Variants in DNAH7 observed in about 807,000 individuals in gnomAD.
DNAH7 encodes the protein axonemal beta dynein heavy chain 7.
DNAH7 carries 397 observed loss-of-function variants against 444.6 expected under a neutral mutation model. The observed-to-expected ratio is 0.89, with a 90% CI of 0.82 to 0.97. The LOEUF (loss-of-function observed/expected upper bound fraction) is 0.97, where lower values mean the gene tolerates loss of function less well. Among genes scored for constraint, DNAH7 ranks in the 50% least tolerant of loss-of-function variants. DNAH7 has a pLI of 0.00. For synonymous variants in DNAH7, 1,636 were observed against 1,624.4 expected (o/e 1.01, Z -0.17); for missense variants, 4,902 against 4,800.8 (o/e 1.02, Z -0.62).
chr2:195,954,536 T>TA (rs1690502445), intron 19 of DNAH7, among the ~76,000 whole-genome samples: 1 of 152,246 alleles, frequency 6.6e-6, no homozygotes, highest in Admixed American at 6.5e-5. Context: ...CCTTTGGGTA[T>TA]ATACCCAGTA....
intron 10 of DNAH7, among the ~76,000 whole-genome samples, chr2:196,011,392 A>G (rs753525848): frequency 6.6e-6 from 1 of 152,132 alleles, no homozygotes; most frequent in Admixed American, 6.6e-5. Context: ...AAATATAAAG[A>G]AGAGAGATAA....
At chr2:195,783,838 A>C (rs1179033964) in intron 58 of DNAH7, among the ~76,000 whole-genome samples, 1 of 152,260 alleles carries the variant, frequency 6.6e-6, no homozygotes, top group Non-Finnish European at 1.5e-5. Context: ...ATAACAACAG[A>C]ATAACCACCA....
At chr2:195,950,586 C>G (rs894371742) in intron 19 of DNAH7, among the ~76,000 whole-genome samples, 12 of 151,886 alleles carry the variant, frequency 7.9e-5, no homozygotes, top group African/African-American at 2.9e-4. Context: ...TGGTGGCTCA[C>G]GCCTGTAATC....
chr2:195,937,581 G>C (rs979395730), intron 19 of DNAH7, among the ~76,000 whole-genome samples: 1 of 152,064 alleles, frequency 6.6e-6, no homozygotes, highest in African/African-American at 2.4e-5. Flanking sequence ...AAAGTAAATA[G>C]AGTTTATTGA....
intron 24 of DNAH7, among the ~76,000 whole-genome samples, chr2:195,921,661 G>A (rs1380742476): frequency 2.0e-5 from 3 of 152,070 alleles, no homozygotes; most frequent in Admixed American, 1.3e-4. Flanking sequence ...CTCAGGTGAT[G>A]GGTGCACCAA....
chr2:195,922,082 G>T lies in DNAH7; in HGVS notation c.3935+6C>A, dbSNP rs1688059079. The T allele has an allele frequency of 6.6e-7, 1 of 1,517,720 alleles. No homozygotes were observed. The allele number at this position is 1,517,720 out of a possible 1,614,324, so 94.0% of individuals were successfully genotyped here. A position where few individuals can be genotyped will look rare whatever the true frequency, so the allele number is the denominator to read the frequency against. On this transcript the variant is annotated splice_donor_region_variant and intron_variant, in intron 24 of 64. Transcript: ENST00000312428. Reference sequence around the variant, plus strand: ...TTCCAATAGATCCTTAAATTAAAGGGTTTACCTGTAACATCTATCCGTGAG... The same window carrying T: ...TTCCAATAGATCCTTAAATTAAAGGTTTTACCTGTAACATCTATCCGTGAG...
intron 5 of DNAH7, among the ~76,000 whole-genome samples, chr2:196,038,641 T>C (rs1470685446): frequency 6.6e-6 from 1 of 152,216 alleles, no homozygotes. Context: ...AATGAAGATA[T>C]TCCATGCAAA....
At chr2:196,034,129 C>A (rs1365146245) in intron 5 of DNAH7, among the ~76,000 whole-genome samples, 1 of 152,098 alleles carries the variant, frequency 6.6e-6, no homozygotes, top group African/African-American at 2.4e-5. Context: ...TTTTTACTTG[C>A]ATACACATGA....
At chr2:195,794,266 A>G (rs1216042183) in intron 57 of DNAH7, 72 bp downstream of exon 57, 11 of 1,444,132 alleles carry the variant, frequency 7.6e-6, no homozygotes, top group Non-Finnish European at 9.7e-6. Flanking sequence ...CTCAGTGCAC[A>G]CATCCATGAT....
rs758528292 is a variant in DNAH7 at position 195,926,473 on chromosome 2, T to G, written c.3565A>C (p.Ile1189Leu). The stretch of plus-strand genomic sequence containing the variant: ...GTTTGTACTTCTTTTGTCCAAAAGA[T>G]TTGGGATACACAGAGAACAGTCTGT... ...PGQTVLCVSQ[I>L]FWTKEVQTAI... The change falls in exon 22 of 65, where the codon ATC (isoleucine) becomes CTC (leucine). Residue 1189 changes from isoleucine (I) to leucine (L), a missense_variant. By Grantham distance (5) the Ile-to-Leu change is conservative (BLOSUM62 2). Transcript: ENST00000312428. 1.2e-6 allele frequency: 2 copies of G among 1,602,760 alleles called. No individual in the cohort carries two copies. The highest frequency in any genetic ancestry group is 1.3e-5 in the African/African-American group (1 of 74,290).
chr2:196,059,867 G>C (rs1286947254), intron 1 of DNAH7, among the ~76,000 whole-genome samples: 1 of 152,092 alleles, frequency 6.6e-6, no homozygotes, highest in Admixed American at 6.5e-5. Context: ...GGAAGGGATG[G>C]CTCTTCTCTT....
At chr2:195,837,804 G>C (rs1698454627) in intron 47 of DNAH7, among the ~76,000 whole-genome samples, 1 of 152,032 alleles carries the variant, frequency 6.6e-6, no homozygotes, top group African/African-American at 2.4e-5. Flanking sequence ...AAAAAAAGAG[G>C]CCCCTGTTGT....
intron 10 of DNAH7, among the ~76,000 whole-genome samples, chr2:196,003,932 G>A (rs1054196860): frequency 6.6e-6 from 1 of 152,118 alleles, no homozygotes; most frequent in African/African-American, 2.4e-5. Flanking sequence ...TGGTTAAAAG[G>A]GGGAACAAAG....
At chr2:195,794,912 T>C (rs1390919414) in intron 56 of DNAH7, among the ~76,000 whole-genome samples, 3 of 152,206 alleles carry the variant, frequency 2.0e-5, no homozygotes, top group Non-Finnish European at 4.4e-5. Context: ...TAAAGACTAA[T>C]CCATTTCTCT....
At position 195,737,875 on chromosome 2, in the gene DNAH7, TCAGC is replaced by T; in HGVS notation, c.*42_*45del. ...AAGTAGTAAAATATGCTTTCTCTACTCAGCCAGCCAACAAGAAATAGGAACAAGG... is the reference window on the plus strand; with the variant it reads ...AAGTAGTAAAATATGCTTTCTCTACTCAGCCAACAAGAAATAGGAACAAGG... On this transcript the variant is annotated 3_prime_UTR_variant, in exon 65 of 65. Coordinates refer to ENST00000312428, the MANE Select transcript of DNAH7 (RefSeq NM_018897.3). The T allele has an allele frequency of 6.3e-7, 1 of 1,583,012 alleles. No homozygotes were observed. The highest frequency in any genetic ancestry group is 8.7e-7 in the Non-Finnish European group (1 of 1,155,498).
At chr2:195,971,655 C>G (rs1691850834) in intron 16 of DNAH7, among the ~76,000 whole-genome samples, 2 of 151,974 alleles carry the variant, frequency 1.3e-5, no homozygotes, top group South Asian at 4.2e-4. Flanking sequence ...GAGCAGACAT[C>G]TAGAAGTTGA....
At chr2:195,929,920 A>G (rs1054179123) in intron 21 of DNAH7, among the ~76,000 whole-genome samples, 1 of 152,256 alleles carries the variant, frequency 6.6e-6, no homozygotes, top group African/African-American at 2.4e-5. Flanking sequence ...GAAACTATCA[A>G]CAGAGTAAAC....
chr2:195,963,942 C>A (rs1691286866), intron 17 of DNAH7, among the ~76,000 whole-genome samples: 1 of 152,142 alleles, frequency 6.6e-6, no homozygotes, highest in African/African-American at 2.4e-5. Context: ...TGTTTCTGGG[C>A]TCTCCATTCT....
Position 195,922,071 on chromosome 2 carries a change from T to C in DNAH7, c.3935+17A>G. The C allele has an allele frequency of 6.9e-7, 1 of 1,444,436 alleles. No individual in the cohort carries two copies. Among genetic ancestry groups the C allele is most frequent in the Non-Finnish European group, 9.7e-7 (1 of 1,026,924 alleles). The allele number at this position is 1,444,436 out of a possible 1,614,324, so 89.5% of individuals were successfully genotyped here. On this transcript the variant is annotated intron_variant, in intron 24 of 64. Transcript: ENST00000312428. ...GTGAAAGTTATTTCCAATAGATCCT[T>C]AAATTAAAGGGTTTACCTGTAACAT...
Sources: gnomAD v4.1 joint callset for allele counts (sites outside exome capture counted in the v4.1 genomes callset) on GRCh38, gnomAD v4.1.1 for gene constraint, MANE v1.5 for transcripts, NCBI Gene and HGNC (gene_info 2026-07-23, HGNC 2026-07-21) for gene names.